The following AGT variants were observed in gnomAD, a reference collection of about 807,000 sequenced individuals.
AGT encodes alpha-1 antiproteinase, antitrypsin.
A neutral mutation model predicts 28.1 loss-of-function variants in AGT; 26 were observed. The observed-to-expected ratio is 0.92, with a 90% confidence interval of 0.68 to 1.28. The LOEUF is 1.28. Ranked by LOEUF, AGT falls within the 50% of genes most tolerant of loss-of-function variation. The pLI, the probability that AGT is intolerant of heterozygous loss-of-function variation, is 0.00. For missense variants in AGT, 596 were observed against 592.3 expected, an observed-to-expected ratio of 1.01 and a Z score of -0.06; for synonymous variants, 259 against 259.6, an observed-to-expected ratio of 1.00 and a Z score of 0.02.
rs185770834 is a variant in AGT, at chr1:230,734,770, T to C, written c.-31+10745A>G. On this transcript the variant is annotated intron_variant, in intron 1 of 4. Coordinates refer to the AGT transcript ENST00000681269. ...TGTCGCCCAGGCTGGAGTGCAGTGG[T>C]GCAATCTCGGCTCACTGCAAGCTCC... is the stretch of plus-strand genomic sequence containing the variant. Among the ~76,000 whole-genome samples, 896 of 152,046 alleles carry C rather than the reference T, an allele frequency of 5.9e-3. 11 individuals are homozygous for C. Among genetic ancestry groups the C allele is most frequent in the African/African-American group, 0.02 (813 of 41,450 alleles).
chr1:230,715,870 G>A (rs929712204), upstream of AGT, among the ~76,000 whole-genome samples: 3 of 152,146 alleles, frequency 2.0e-5, no homozygotes, highest in Admixed American at 6.5e-5. Flanking sequence ...CTGTGCCTGG[G>A]CCTCCTGCCT....
Position 230,703,128 on chromosome 1 carries a change from T to G in AGT, c.*13A>C. ...AGAGGCCTTGCCAGGCACTGTGTTC[T>G]GGGGCCCTGGCCTCATGCTGTGCTC... On this transcript the variant is annotated 3_prime_UTR_variant, in exon 5 of 5. Coordinates refer to ENST00000366667, the MANE Select transcript of AGT (RefSeq NM_001384479.1). 1 of 1,612,802 alleles carries G rather than the reference T, an allele frequency of 6.2e-7. No homozygotes were observed. Among genetic ancestry groups the G allele is most frequent in the Non-Finnish European group, 8.5e-7 (1 of 1,179,804 alleles).
intron 3 of AGT, among the ~76,000 whole-genome samples, chr1:230,704,563 C>T (rs1385036105): frequency 1.3e-5 from 2 of 152,240 alleles, no homozygotes; most frequent in Non-Finnish European, 2.9e-5. Flanking sequence ...AGAAGATTTA[C>T]CGATGAGGAC....
intron 1 of AGT, among the ~76,000 whole-genome samples, chr1:230,739,770 A>G (rs1449826657): frequency 2.0e-5 from 3 of 152,076 alleles, no homozygotes; most frequent in Admixed American, 2.0e-4. Context: ...GGTAAGATTC[A>G]CCCTGACCTA....
intron 3 of AGT, among the ~76,000 whole-genome samples, chr1:230,705,170 C>T (rs923066272): frequency 1.3e-5 from 2 of 152,174 alleles, no homozygotes; most frequent in East Asian, 1.9e-4. Flanking sequence ...TGGAGATGGA[C>T]GGGGGTGATG....
chr1:230,714,762 C>T (rs966968327), upstream of AGT, among the ~76,000 whole-genome samples: 1 of 152,216 alleles, frequency 6.6e-6, no homozygotes, highest in African/African-American at 2.4e-5. Flanking sequence ...AACAAAATGC[C>T]TTCAGGATGC....
intron 2 of AGT, among the ~76,000 whole-genome samples, chr1:230,709,049 G>A (rs1663479170): frequency 6.6e-6 from 1 of 152,200 alleles, no homozygotes; most frequent in Non-Finnish European, 1.5e-5. Flanking sequence ...GGCAAGGCCT[G>A]CTCTCCGCTC....
chr1:230,705,464 C>T (rs1341323249), intron 3 of AGT, among the ~76,000 whole-genome samples: 3 of 152,168 alleles, frequency 2.0e-5, no homozygotes, highest in South Asian at 2.1e-4. Flanking sequence ...AGCCGCCAGC[C>T]GCCAGCAAGG....
At chr1:230,707,280 C>G (rs986512454) in intron 2 of AGT, among the ~76,000 whole-genome samples, 1 of 152,236 alleles carries the variant, frequency 6.6e-6, no homozygotes, top group South Asian at 2.1e-4. Flanking sequence ...CTCGGCTGTC[C>G]TCCCACTCAT....
At chr1:230,729,868 A>G (rs1424793930) in intron 1 of AGT, among the ~76,000 whole-genome samples, 6 of 152,062 alleles carry the variant, frequency 3.9e-5, no homozygotes, top group Non-Finnish European at 8.8e-5. Context: ...ATCTTTAAGA[A>G]ACAGGAAGGC....
At position 230,710,534 on chromosome 1, in the gene AGT, A is replaced by G. The variant is rs759296166; in HGVS notation, c.290T>C (p.Val97Ala). The change falls in exon 2 of 5, where the codon GTC (valine) becomes GCC (alanine). Residue 97 changes from valine to alanine, a missense_variant. By Grantham distance (64) the Val-to-Ala change is moderately conservative (BLOSUM62 0). Coordinates refer to ENST00000366667, the MANE Select transcript of AGT (RefSeq NM_001384479.1). ...DTEDKLRAAM[V>A]GMLANFLGFR... Reference sequence around the variant, plus strand: ...GCCCAAGAAGTTGGCCAGCATCCCGACCATTGCGGCCCTCAACTTGTCTTC... The same window carrying G: ...GCCCAAGAAGTTGGCCAGCATCCCGGCCATTGCGGCCCTCAACTTGTCTTC... The G allele has an allele frequency of 6.2e-7, 1 of 1,614,166 alleles. No homozygotes were observed. The highest frequency in any genetic ancestry group is 1.1e-5 in the South Asian group (1 of 91,066).
chr1:230,718,485 T>C (rs1222319223), upstream of AGT, among the ~76,000 whole-genome samples: 1 of 152,134 alleles, frequency 6.6e-6, no homozygotes, highest in African/African-American at 2.4e-5. Context: ...CTAGACTTGT[T>C]CATCGTATAT....
chr1:230,715,164 C>A (rs1239725630), upstream of AGT, among the ~76,000 whole-genome samples: 1 of 152,164 alleles, frequency 6.6e-6, no homozygotes, highest in Non-Finnish European at 1.5e-5. Context: ...GGATATGAGG[C>A]AGAAGCTGTA....
At chr1:230,723,236 C>T (rs1663880568) in intron 1 of AGT, among the ~76,000 whole-genome samples, 1 of 152,024 alleles carries the variant, frequency 6.6e-6, no homozygotes, top group Admixed American at 6.6e-5. Context: ...CTGAGGCCTC[C>T]CCAGCCATGC....
intron 1 of AGT, among the ~76,000 whole-genome samples, chr1:230,729,916 C>A (rs1405965177): frequency 6.6e-6 from 1 of 151,968 alleles, no homozygotes; most frequent in Non-Finnish European, 1.5e-5. Context: ...AATCCCAGCA[C>A]TTTGGGAGGC....
At position 230,703,080 on chromosome 1, in the gene AGT, C is replaced by T; in HGVS notation, c.*61G>A. On this transcript the variant is annotated 3_prime_UTR_variant, in exon 5 of 5. Coordinates refer to ENST00000366667, the MANE Select transcript of AGT (RefSeq NM_001384479.1). ...GTCCGGGGTTGTTATCTGCTGCTGG[C>T]CTTTGCCTCAAAGGCCAGGGGCAGA... is the stretch of plus-strand genomic sequence containing the variant. 1 of 1,575,182 alleles carries T rather than the reference C, an allele frequency of 6.3e-7. No individual in the cohort carries two copies.
At chr1:230,704,487 G>T in intron 3 of AGT, 150 bp from the exon 4 acceptor site, 1 of 1,087,666 alleles carries the variant, frequency 9.2e-7, no homozygotes, top group Admixed American at 2.1e-5. Flanking sequence ...TCCCCCTTGG[G>T]GAAAATTTCA....
At chr1:230,723,208 A>G (rs1240016220) in intron 1 of AGT, among the ~76,000 whole-genome samples, 1 of 151,990 alleles carries the variant, frequency 6.6e-6, no homozygotes, top group Non-Finnish European at 1.5e-5. Flanking sequence ...TTCCCCTTCC[A>G]CCATCATTGT....
rs747605324 is a variant in AGT, at chr1:230,703,209, C to T, written c.1363G>A (p.Val455Met). The T allele has an allele frequency of 3.1e-6, 5 of 1,614,230 alleles. No individual in the cohort carries two copies. In the South Asian group the frequency reaches 5.5e-5, roughly 18 times the overall value. ...VTLNRPFLFA[V>M]YDQSATALHF... is the part of the protein sequence containing the mutation. ...AGGGCAGTGGCGCTTTGATCATACA[C>T]AGCAAACAGGAATGGGCGGTTCAGG... The change falls in exon 5 of 5, where the codon GTG becomes ATG. Residue 455 changes from valine (V) to methionine (M), a missense_variant. By Grantham distance (21) the Val-to-Met change is conservative. Coordinates refer to ENST00000366667, the MANE Select transcript of AGT (RefSeq NM_001384479.1).
Sources: allele counts gnomAD v4.1 joint callset (sites outside exome capture counted in the v4.1 genomes callset), GRCh38; gene constraint gnomAD v4.1.1; transcripts MANE v1.5; gene names NCBI Gene and HGNC (gene_info 2026-07-23, HGNC 2026-07-21).